Variants in HIVEP2 observed in about 807,000 individuals in gnomAD.
HIVEP2 encodes the protein transcription factor HIVEP2.
A neutral mutation model predicts 180.7 loss-of-function variants in HIVEP2; 14 were observed. That is an observed-to-expected ratio of 0.08 (90% CI 0.05 to 0.12). The LOEUF is 0.12. Among genes scored for constraint, HIVEP2 ranks in the 10% least tolerant of loss-of-function variants. The pLI is 1.00. For missense variants in HIVEP2, 2,579 were observed against 3,008.5 expected (o/e 0.86, Z 3.34); for synonymous variants, 1,184 against 1,136.4 (o/e 1.04, Z -0.84).
intron 3 of HIVEP2, among the ~76,000 whole-genome samples, chr6:142,776,426 T>C (rs763757657): frequency 1.1e-4 from 16 of 152,178 alleles, no homozygotes; most frequent in Admixed American, 5.9e-4. Context: ...ATCATAGTAA[T>C]ATTTTCTAAG....
intron 1 of HIVEP2, among the ~76,000 whole-genome samples, chr6:142,871,174 T>C (rs1176427012): frequency 6.6e-6 from 1 of 152,222 alleles, no homozygotes; most frequent in East Asian, 1.9e-4. Flanking sequence ...GATGAGATGA[T>C]GCAATCAATG....
At chr6:142,899,938 A>C (rs2128424820) in intron 1 of HIVEP2, among the ~76,000 whole-genome samples, 1 of 152,320 alleles carries the variant, frequency 6.6e-6, no homozygotes, top group African/African-American at 2.4e-5. Context: ...TTTTTGGTGA[A>C]ATAAAAATGG....
chr6:142,788,325 T>A (rs202099482), intron 2 of HIVEP2: 1 of 134,126 alleles, frequency 7.5e-6, no homozygotes, highest in South Asian at 2.4e-4. Context: ...AATCCCCCCC[T>A]CAAAAAAAAG....
At chr6:142,817,898 C>T (rs1274062667) in intron 2 of HIVEP2, among the ~76,000 whole-genome samples, 2 of 151,138 alleles carry the variant, frequency 1.3e-5, no homozygotes, top group Non-Finnish European at 3.0e-5. Flanking sequence ...CCCAGCTACC[C>T]GGGAGGCTGA....
intron 2 of HIVEP2, among the ~76,000 whole-genome samples, chr6:142,797,403 T>C (rs995430552): frequency 5.9e-5 from 9 of 152,204 alleles, no homozygotes; most frequent in African/African-American, 9.6e-5. Context: ...TGAAATACTT[T>C]AGTCAGGGAG....
At chr6:142,904,019 T>C (rs1047076136) in intron 1 of HIVEP2, among the ~76,000 whole-genome samples, 4 of 152,148 alleles carry the variant, frequency 2.6e-5, no homozygotes, top group Admixed American at 2.0e-4. Context: ...CTGAGGAATA[T>C]GGAGGGGGCA....
rs181768729 is a variant in HIVEP2, at chr6:142,915,087, T to C, written c.-641+30012A>G. 4.0e-3 allele frequency among the ~76,000 whole-genome samples: 613 copies of C among 152,276 alleles called. 4 individuals are homozygous for C. Among genetic ancestry groups the C allele is most frequent in the African/African-American group, 0.014 (580 of 41,540 alleles). ...CACTGGACACAATAATATTAAAATA[T>C]TGTGTAAGAATGGGAACTGGGTCAT... On this transcript the variant is annotated intron_variant, in intron 1 of 9. Transcript: ENST00000367603.
chr6:142,895,814 A>C (rs920307889), intron 1 of HIVEP2, among the ~76,000 whole-genome samples: 3 of 152,202 alleles, frequency 2.0e-5, no homozygotes, highest in Admixed American at 2.0e-4. Flanking sequence ...AAAGATAATG[A>C]ATGGCTTAGG....
rs1010915568 is a variant in HIVEP2 at position 142,753,617 on chromosome 6, C to T, written c.6831G>A (p.Val2277=). ...CTCGCTTCTCATGCTGCTTAGAAAG[C>T]ACATAGGGGTCCTTGGAGAAGGACT... The part of the protein sequence containing the change: ...SGESFSKDPY[V]LSKQHEKRGP... Residue 2277 remains valine, a synonymous_variant, in exon 10 of 10, where the codon GTG becomes GTA. Transcript: ENST00000367603. 6 of 1,614,056 alleles carry T rather than the reference C, an allele frequency of 3.7e-6. No homozygotes were observed. The highest frequency in any genetic ancestry group is 5.1e-6 in the Non-Finnish European group (6 of 1,180,038).
chr6:142,860,406 C>T (rs1421963311), intron 1 of HIVEP2, among the ~76,000 whole-genome samples: 1 of 152,122 alleles, frequency 6.6e-6, no homozygotes, highest in Admixed American at 6.5e-5. Context: ...CATGGACTGG[C>T]GGCAGGCAGG....
chr6:142,920,119 C>A (rs1777648953), intron 1 of HIVEP2, among the ~76,000 whole-genome samples: 1 of 152,172 alleles, frequency 6.6e-6, no homozygotes. Flanking sequence ...ATAAGCCTAA[C>A]AAACATTTCC....
intron 2 of HIVEP2, among the ~76,000 whole-genome samples, chr6:142,790,171 C>T (rs1393416196): frequency 6.6e-6 from 1 of 151,934 alleles, no homozygotes; most frequent in African/African-American, 2.4e-5. Context: ...GGAGGCAAGC[C>T]CCTTGTTCAT....
chr6:142,819,676 T>C (rs1242025199), intron 2 of HIVEP2, among the ~76,000 whole-genome samples: 2 of 152,170 alleles, frequency 1.3e-5, no homozygotes, highest in African/African-American at 2.4e-5. Flanking sequence ...TGTTAAGTGT[T>C]TACTTTAATT....
intron 1 of HIVEP2, among the ~76,000 whole-genome samples, chr6:142,881,610 G>T (rs1419323223): frequency 6.6e-6 from 1 of 152,126 alleles, no homozygotes; most frequent in Non-Finnish European, 1.5e-5. Context: ...CGAAAATATG[G>T]TCTCTGAGGT....
chr6:142,889,970 G>A (rs1776813129), intron 1 of HIVEP2, among the ~76,000 whole-genome samples: 1 of 152,056 alleles, frequency 6.6e-6, no homozygotes, highest in African/African-American at 2.4e-5. Flanking sequence ...CTACAGCACT[G>A]GACAGCACAG....
chr6:142,887,753 T>C (rs990555758), intron 1 of HIVEP2, among the ~76,000 whole-genome samples: 1 of 152,210 alleles, frequency 6.6e-6, no homozygotes, highest in Admixed American at 6.5e-5. Context: ...TGAGATCATT[T>C]CCTGCATTGT....
intron 2 of HIVEP2, among the ~76,000 whole-genome samples, chr6:142,800,762 A>C (rs1248983619): frequency 6.6e-6 from 1 of 152,188 alleles, no homozygotes; most frequent in Non-Finnish European, 1.5e-5. Flanking sequence ...AATTCAAAGA[A>C]CTGGCTCTAT....
At chr6:142,786,602 G>GA (rs1043691235) in intron 2 of HIVEP2, among the ~76,000 whole-genome samples, 1 of 151,902 alleles carries the variant, frequency 6.6e-6, no homozygotes, top group East Asian at 1.9e-4. Flanking sequence ...ATTCTTAGAA[G>GA]AAAAAAAATC....
intron 1 of HIVEP2, among the ~76,000 whole-genome samples, chr6:142,839,139 C>T (rs1775299233): frequency 6.6e-6 from 1 of 152,100 alleles, no homozygotes; most frequent in Non-Finnish European, 1.5e-5. Context: ...AGATCTGTTG[C>T]CTGTGCAACA....
Sources: gnomAD v4.1 joint callset for allele counts (sites outside exome capture counted in the v4.1 genomes callset) on GRCh38, gnomAD v4.1.1 for gene constraint, MANE v1.5 for transcripts, NCBI Gene and HGNC (gene_info 2026-07-23, HGNC 2026-07-21) for gene names.